TTC28: variants seen among roughly 807,000 people sequenced by gnomAD.
TTC28 encodes the protein tetratricopeptide repeat protein 28.
Under a neutral mutation model 198.0 loss-of-function variants are expected in TTC28, and 61 were observed. That is an observed-to-expected ratio of 0.31 (90% CI 0.25 to 0.38). The LOEUF is 0.38. Ranked by LOEUF, TTC28 falls within the 10% of genes least tolerant of loss-of-function variation. TTC28 has a pLI of 1.00. For missense variants in TTC28, 2,678 were observed against 3,164.0 expected (o/e 0.85, Z 3.69); for synonymous variants, 1,171 against 1,297.8 (o/e 0.90, Z 2.10).
In TTC28 at chr22:28,003,149, G is replaced by C. The variant is rs565855557; in HGVS notation, c.4219-1596C>G. Among the ~76,000 whole-genome samples the C allele has an allele frequency of 2.0e-5, 3 of 152,206 alleles. No homozygotes were observed. In the East Asian group the frequency reaches 5.8e-4, roughly 29 times the overall value. On this transcript the variant is annotated intron_variant, in intron 14 of 22. Coordinates refer to ENST00000397906, the MANE Select transcript of TTC28 (RefSeq NM_001145418.2). Reference sequence around the variant, plus strand: ...GCACAGGGAGGAGAAAGAGTTGTAGGGCACCTGGGCCCCATGGCCTGCCAT... The same window carrying C: ...GCACAGGGAGGAGAAAGAGTTGTAGCGCACCTGGGCCCCATGGCCTGCCAT...
intron 16 of TTC28, chr22:27,996,562 A>G (rs987496819): frequency 1.2e-5 from 4 of 332,594 alleles, no homozygotes; most frequent in African/African-American, 8.2e-5. Flanking sequence ...TCTGAAATTC[A>G]TCTTTGTCTA....
At chr22:28,184,548 T>G (rs1240994973) in intron 5 of TTC28, among the ~76,000 whole-genome samples, 1 of 152,108 alleles carries the variant, frequency 6.6e-6, no homozygotes, top group Admixed American at 6.5e-5. Flanking sequence ...AAATTTTTAA[T>G]TAAGATCCTA....
chr22:28,105,832 T>C, intron 7 of TTC28, 30 bp from the exon 8 acceptor site: 10 of 1,519,932 alleles, frequency 6.6e-6, no homozygotes, highest in Non-Finnish European at 8.8e-6. Context: ...AAAGCAATGA[T>C]ATTATTTCAT....
intron 2 of TTC28, among the ~76,000 whole-genome samples, chr22:28,593,938 G>A (rs1373028296): frequency 1.3e-5 from 2 of 151,944 alleles, no homozygotes; most frequent in Non-Finnish European, 2.9e-5. Context: ...CACTCTTAAG[G>A]AAAAAATCAG....
chr22:28,217,220 C>A (rs1927475252), intron 5 of TTC28, among the ~76,000 whole-genome samples: 1 of 152,090 alleles, frequency 6.6e-6, no homozygotes, highest in Non-Finnish European at 1.5e-5. Context: ...CACTGCATAT[C>A]AAAAGAGCTC....
chr22:28,389,627 C>T (rs1410847344), intron 2 of TTC28, among the ~76,000 whole-genome samples: 2 of 150,730 alleles, frequency 1.3e-5, no homozygotes, highest in Non-Finnish European at 3.0e-5. Flanking sequence ...AGTTTATTTG[C>T]GTAGAGGTGT....
At chr22:28,479,589 T>A (rs937795723) in intron 2 of TTC28, among the ~76,000 whole-genome samples, 1 of 152,194 alleles carries the variant, frequency 6.6e-6, no homozygotes, top group Non-Finnish European at 1.5e-5. Context: ...TGGAATGAAA[T>A]CTCTAGTTAT....
At chr22:28,073,414 G>A (rs973324720) in intron 12 of TTC28, among the ~76,000 whole-genome samples, 8 of 152,144 alleles carry the variant, frequency 5.3e-5, no homozygotes, top group Admixed American at 1.3e-4. Flanking sequence ...CCATAGTTTT[G>A]GAGCAAAAGG....
At chr22:27,989,792 CT>C (rs1937333960) in intron 21 of TTC28, 85 bp downstream of exon 21, 1 of 1,479,174 alleles carries the variant, frequency 6.8e-7, no homozygotes, top group Admixed American at 2.2e-5. Flanking sequence ...CACTGAGATA[CT>C]TTGCCCAACA....
At chr22:28,332,530 A>T (rs2045633261) in intron 2 of TTC28, among the ~76,000 whole-genome samples, 1 of 152,074 alleles carries the variant, frequency 6.6e-6, no homozygotes, top group South Asian at 2.1e-4. Flanking sequence ...ATGTTAAACT[A>T]CCAAATATTC....
chr22:28,572,376 T>C (rs1320620579), intron 2 of TTC28, among the ~76,000 whole-genome samples: 4 of 152,090 alleles, frequency 2.6e-5, no homozygotes, highest in Non-Finnish European at 4.4e-5. Context: ...TTGTTCGTAA[T>C]AGGAAAAACT....
chr22:28,094,597 C>T (rs896380596), intron 11 of TTC28, among the ~76,000 whole-genome samples: 1 of 152,076 alleles, frequency 6.6e-6, no homozygotes, highest in African/African-American at 2.4e-5. Flanking sequence ...CATGAGTATG[C>T]CAGGATATAT....
intron 2 of TTC28, among the ~76,000 whole-genome samples, chr22:28,394,503 A>T (rs762905309): frequency 2.6e-5 from 4 of 152,220 alleles, no homozygotes; most frequent in Non-Finnish European, 4.4e-5. Context: ...TAAGGTTTCC[A>T]TTCATCACAC....
chr22:28,357,315 A>ATTTTTTTTTTTTTTTTTTTTTTTTT (rs11415868), intron 2 of TTC28, among the ~76,000 whole-genome samples: 1 of 113,486 alleles, frequency 8.8e-6, no homozygotes, highest in Non-Finnish European at 1.7e-5. Context: ...CAAATTTCTT[A>ATTTTTTTTTTTTTTTTTTTTTTTTT]TTTTTTTTTT....
chr22:28,641,278 C>G lies in TTC28; in HGVS notation c.103-11448G>C, dbSNP rs1044875967. Among the ~76,000 whole-genome samples, 5 of 151,668 alleles carry G rather than the reference C, an allele frequency of 3.3e-5. No individual in the cohort carries two copies. The East Asian group carries it at 9.7e-4, about 29-fold the overall frequency. On this transcript the variant is annotated intron_variant, in intron 1 of 22. Coordinates refer to ENST00000397906, the MANE Select transcript of TTC28 (RefSeq NM_001145418.2). The stretch of plus-strand genomic sequence containing the variant: ...AGTGGAAGTTGCAGTGAGCCGAGAT[C>G]GCACCACTACACTCCAGCCTGGCGA...
intron 5 of TTC28, among the ~76,000 whole-genome samples, chr22:28,249,009 C>T: frequency 6.6e-6 from 1 of 152,060 alleles, no homozygotes; most frequent in East Asian, 1.9e-4. Flanking sequence ...TTCCTTAATC[C>T]TCCAAATCCC....
chr22:28,380,515 AG>A (rs1215694444), intron 2 of TTC28, among the ~76,000 whole-genome samples: 1 of 152,206 alleles, frequency 6.6e-6, no homozygotes, highest in African/African-American at 2.4e-5. Flanking sequence ...ATGCTAATAA[AG>A]GACTGGTTTG....
chr22:28,560,990 C>A (rs1156599455), intron 2 of TTC28, among the ~76,000 whole-genome samples: 1 of 151,222 alleles, frequency 6.6e-6, no homozygotes, highest in Admixed American at 6.6e-5. Flanking sequence ...CTCCTGACCT[C>A]AAGTGATCTG....
intron 12 of TTC28, among the ~76,000 whole-genome samples, chr22:28,040,020 T>G (rs1248385949): frequency 1.3e-5 from 2 of 152,072 alleles, no homozygotes; most frequent in Admixed American, 1.3e-4. Flanking sequence ...ACATACACTC[T>G]CCCAAGACTA....
Sources: allele counts gnomAD v4.1 joint callset (sites outside exome capture counted in the v4.1 genomes callset), GRCh38; gene constraint gnomAD v4.1.1; transcripts MANE v1.5; gene names NCBI Gene and HGNC (gene_info 2026-07-23, HGNC 2026-07-21).